NCKAP5: variants seen among roughly 807,000 people sequenced by gnomAD.
NCKAP5 encodes nck-associated protein 5.
A neutral mutation model predicts 167.0 loss-of-function variants in NCKAP5; 92 were observed. That is an observed-to-expected ratio of 0.55 (90% confidence interval 0.47 to 0.66). The LOEUF (loss-of-function observed/expected upper bound fraction) is 0.66. NCKAP5 is among the 30% of genes least tolerant of loss of function. The probability of loss-of-function intolerance (pLI) is 0.00; values close to 1 mark genes in which losing one functional copy is unlikely to be tolerated. For synonymous variants in NCKAP5, 891 were observed against 877.4 expected, an observed-to-expected ratio of 1.02 and a Z score of -0.27; for missense variants, 2,378 against 2,315.0, an observed-to-expected ratio of 1.03 and a Z score of -0.56.
intron 5 of NCKAP5, among the ~76,000 whole-genome samples, chr2:133,139,258 A>C (rs2082909303): frequency 6.6e-6 from 1 of 152,248 alleles, no homozygotes; most frequent in South Asian, 2.1e-4. Flanking sequence ...CAATGAAATT[A>C]GCCACAACCA....
intron 4 of NCKAP5, among the ~76,000 whole-genome samples, chr2:133,255,345 A>G (rs749858177): frequency 1.6e-4 from 25 of 152,346 alleles, no homozygotes; most frequent in Middle Eastern, 6.8e-3. Flanking sequence ...AAAATAAAAT[A>G]AACTGAAAGA....
At chr2:133,563,602 A>C (rs1344276730) in intron 1 of NCKAP5, among the ~76,000 whole-genome samples, 1 of 142,872 alleles carries the variant, frequency 7.0e-6, no homozygotes, top group African/African-American at 2.6e-5. Flanking sequence ...AAAGATTCAG[A>C]TCTCTGAGAT....
At position 133,387,485 on chromosome 2, in the gene NCKAP5, C is replaced by A. The variant is rs113128182; in HGVS notation, c.70-84375G>T. Among the ~76,000 whole-genome samples the A allele has an allele frequency of 5.7e-4, 87 of 152,268 alleles. 2 individuals carry two copies. The highest frequency in any genetic ancestry group is 2.0e-3 in the African/African-American group (82 of 41,552). ...TGTCTGGCTGCCCTTAACATTTTTT[C>A]CTTCCTTTCAACTTTGATGAATCTG... On this transcript the variant is annotated intron_variant, in intron 3 of 19. Transcript: ENST00000409261.
At chr2:133,670,453 A>G in the NCKAP5 span, among the ~76,000 whole-genome samples, 8,887 of 152,318 alleles carry the variant, frequency 0.058, 834 homozygotes, top group African/African-American at 0.2. Context: ...GATAACTCAT[A>G]TACATGAATC....
chr2:132,774,180 C>A (rs2104962841), intron 15 of NCKAP5, among the ~76,000 whole-genome samples: 1 of 152,192 alleles, frequency 6.6e-6, no homozygotes, highest in Non-Finnish European at 1.5e-5. Flanking sequence ...GTATCTAATT[C>A]TACACAAAAT....
intron 5 of NCKAP5, among the ~76,000 whole-genome samples, chr2:133,189,414 A>C (rs1222327113): frequency 6.6e-6 from 1 of 152,106 alleles, no homozygotes; most frequent in Non-Finnish European, 1.5e-5. Context: ...AAAAGAAAGA[A>C]TCCTCCATAA....
upstream of NCKAP5, among the ~76,000 whole-genome samples, chr2:133,569,117 A>T (rs889493021): frequency 6.6e-6 from 1 of 152,150 alleles, no homozygotes; most frequent in Non-Finnish European, 1.5e-5. Context: ...AAAACAAATA[A>T]ATAAGAATCT....
chr2:133,402,821 G>C (rs918672098), intron 3 of NCKAP5, among the ~76,000 whole-genome samples: 1 of 152,118 alleles, frequency 6.6e-6, no homozygotes, highest in African/African-American at 2.4e-5. Flanking sequence ...AGAACTGTAA[G>C]CCAAAATAAA....
At chr2:132,848,187 A>G (rs891815562) in intron 11 of NCKAP5, among the ~76,000 whole-genome samples, 1 of 152,210 alleles carries the variant, frequency 6.6e-6, no homozygotes, top group African/African-American at 2.4e-5. Flanking sequence ...ACCCAGATGC[A>G]AAAAGGGTAC....
At chr2:133,615,476 C>T in the NCKAP5 span, among the ~76,000 whole-genome samples, 1 of 149,448 alleles carries the variant, frequency 6.7e-6, no homozygotes, top group Admixed American at 6.6e-5. Flanking sequence ...AAATGGAAAA[C>T]AAAAAAAAAG....
At chr2:132,693,831 G>A (rs1027969973) in intron 19 of NCKAP5, among the ~76,000 whole-genome samples, 4 of 151,696 alleles carry the variant, frequency 2.6e-5, no homozygotes, top group Non-Finnish European at 5.9e-5. Flanking sequence ...TCACTATATT[G>A]GCCAGGCTGG....
chr2:133,060,204 T>A (rs1416357032), intron 6 of NCKAP5, among the ~76,000 whole-genome samples: 5 of 152,226 alleles, frequency 3.3e-5, no homozygotes, highest in Admixed American at 6.5e-5. Flanking sequence ...CATATTTTTT[T>A]AAATCTTGTG....
At chr2:132,702,733 A>C (rs1306516491) in intron 19 of NCKAP5, among the ~76,000 whole-genome samples, 2 of 152,086 alleles carry the variant, frequency 1.3e-5, no homozygotes, top group East Asian at 3.9e-4. Context: ...TATCTCCTCC[A>C]TGCCCTGAAG....
At chr2:133,246,558 G>T (rs1045752512) in intron 4 of NCKAP5, among the ~76,000 whole-genome samples, 1 of 152,188 alleles carries the variant, frequency 6.6e-6, no homozygotes, top group South Asian at 2.1e-4. Context: ...CATGGTGTGG[G>T]CAACGTAAGG....
At position 132,790,218 on chromosome 2, in the gene NCKAP5, G is replaced by T. The variant is rs371465736; in HGVS notation, c.910-13C>A. On this transcript the variant is annotated splice_polypyrimidine_tract_variant and intron_variant, in intron 12 of 19. Coordinates refer to ENST00000409261, the MANE Select transcript of NCKAP5 (RefSeq NM_207363.3). Reference sequence around the variant, plus strand: ...TTAGTTGGTGTTCCTGAAAAAGCAGGACAGCTCTGAGCAAGGGCTTTGCTC... The same window carrying T: ...TTAGTTGGTGTTCCTGAAAAAGCAGTACAGCTCTGAGCAAGGGCTTTGCTC... 2.5e-6 allele frequency: 4 copies of T among 1,606,182 alleles called. No homozygotes were observed. The highest frequency in any genetic ancestry group is 1.1e-5 in the South Asian group (1 of 89,456).
intron 5 of NCKAP5, among the ~76,000 whole-genome samples, chr2:133,209,683 T>C (rs910273771): frequency 1.3e-5 from 2 of 152,002 alleles, no homozygotes; most frequent in African/African-American, 4.8e-5. Flanking sequence ...GGAACATTGC[T>C]AGAAAAACTG....
chr2:132,858,039 T>C (rs1689605890), intron 11 of NCKAP5, among the ~76,000 whole-genome samples: 1 of 152,256 alleles, frequency 6.6e-6, no homozygotes, highest in African/African-American at 2.4e-5. Flanking sequence ...CTCTTCTTTC[T>C]GTATTTCTTT....
At chr2:133,472,439 G>A (rs575220741) in intron 3 of NCKAP5, among the ~76,000 whole-genome samples, 7 of 151,200 alleles carry the variant, frequency 4.6e-5, no homozygotes, top group Non-Finnish European at 1.0e-4. Flanking sequence ...ATGGAGTTTT[G>A]GCACTTTGAT....
intron 4 of NCKAP5, among the ~76,000 whole-genome samples, chr2:133,272,423 A>G (rs970445052): frequency 1.4e-4 from 22 of 152,276 alleles, no homozygotes; most frequent in Middle Eastern, 3.4e-3. Flanking sequence ...CTACTTTACT[A>G]TGAGCAATTT....
Sources: allele counts gnomAD v4.1 joint callset (sites outside exome capture counted in the v4.1 genomes callset), GRCh38; gene constraint gnomAD v4.1.1; transcripts MANE v1.5; gene names NCBI Gene and HGNC (gene_info 2026-07-23, HGNC 2026-07-21).